The following SH3D21 variants were observed in gnomAD, a reference collection of about 807,000 sequenced individuals.
The protein encoded by SH3D21 is SH3 domain-containing protein 21.
SH3D21 carries 83 observed loss-of-function variants against 82.1 expected under a neutral mutation model. That is an observed-to-expected ratio of 1.01 (90% CI 0.85 to 1.21). The LOEUF is 1.21. Ranked by LOEUF, SH3D21 falls within the 50% of genes most tolerant of loss-of-function variation. SH3D21 has a pLI of 0.00. For missense variants in SH3D21, 980 were observed against 962.1 expected (o/e 1.02, Z -0.25); for synonymous variants, 383 against 387.8 (o/e 0.99, Z 0.15).
downstream of SH3D21, chr1:36,323,718 G>C (rs1302210679): frequency 6.6e-6 from 1 of 151,952 alleles, no homozygotes; most frequent in South Asian, 2.1e-4. Context: ...GGAGAGGAGC[G>C]GGCAGCCGGG....
rs141873075 is a variant in SH3D21 at position 36,319,268 on chromosome 1, G to A, written c.872G>A (p.Arg291Gln). 114 of 1,551,584 alleles carry A rather than the reference G, an allele frequency of 7.3e-5. 1 individual carries two copies. In the East Asian group the frequency reaches 2.3e-3, roughly 32 times the overall value. ...TTGPSKAKTS[R>Q]TPSRDSQKLT... ...ATGAAGATATGTTCCAGGACATCTC[G>A]GACACCCAGCAGGGACAGTCAGAAG... Residue 291 changes from arginine to glutamine, a missense_variant, in exon 12 of 16, where the codon CGG becomes CAG. By Grantham distance (43) the Arg-to-Gln change is conservative (BLOSUM62 1). Coordinates refer to ENST00000453908, the MANE Select transcript of SH3D21 (RefSeq NM_001162530.2).
At chr1:36,328,456 T>A (rs1308104675), downstream of SH3D21, 3 of 297,650 alleles carry the variant, frequency 1.0e-5, no homozygotes, top group Non-Finnish European at 2.0e-5. Context: ...GGAAAGAGGG[T>A]ACTGGCAAAA....
At chr1:36,329,822 T>TGGGAGAAGA (rs964976306), downstream of SH3D21, among the ~76,000 whole-genome samples, 3 of 152,160 alleles carry the variant, frequency 2.0e-5, no homozygotes, top group African/African-American at 7.2e-5. Context: ...TGGAAATACC[T>TGGGAGAAGA]GGGAGAAGAG....
intron 10 of SH3D21, among the ~76,000 whole-genome samples, chr1:36,312,241 T>C (rs941183970): frequency 6.6e-6 from 1 of 152,092 alleles, no homozygotes; most frequent in Non-Finnish European, 1.5e-5. Context: ...GCCAGGATGG[T>C]CTTGATCTCC....
At chr1:36,308,332 C>T (rs963670811) in intron 8 of SH3D21, 57 bp from the exon 9 acceptor site, 1 of 1,521,640 alleles carries the variant, frequency 6.6e-7, no homozygotes, top group Non-Finnish European at 8.9e-7. Context: ...GAGTGGGACC[C>T]CGGAAAGGAC....
chr1:36,311,342 G>A (rs374473066), intron 10 of SH3D21, among the ~76,000 whole-genome samples: 9 of 152,154 alleles, frequency 5.9e-5, no homozygotes, highest in South Asian at 2.1e-4. Flanking sequence ...CCGGGTTCAC[G>A]CCATTCTCCT....
chr1:36,316,055 C>T (rs1646337340), intron 10 of SH3D21, among the ~76,000 whole-genome samples: 1 of 152,170 alleles, frequency 6.6e-6, no homozygotes, highest in Non-Finnish European at 1.5e-5. Flanking sequence ...GTGTTCTCTA[C>T]CTGACAGTTC....
At chr1:36,314,668 G>A (rs1265284939) in intron 10 of SH3D21, among the ~76,000 whole-genome samples, 1 of 151,722 alleles carries the variant, frequency 6.6e-6, no homozygotes, top group South Asian at 2.1e-4. Flanking sequence ...TGTTTCCCAG[G>A]TGGTCTTGAA....
chr1:36,319,008 A>G lies in SH3D21; in HGVS notation c.770-63A>G. The stretch of plus-strand genomic sequence containing the variant: ...TAACCTCCTGCCCATAGTCCCCTGC[A>G]CACAGCACAAGACAGGGCTAGCGAC... On this transcript the variant is annotated intron_variant, in intron 10 of 15. Transcript: ENST00000453908. 4.0e-6 allele frequency: 4 copies of G among 997,020 alleles called. No individual in the cohort carries two copies. The Middle Eastern group carries it at 8.1e-4, about 202-fold the overall frequency. The allele number at this position is 997,020 out of a possible 1,614,324, so 61.8% of individuals were successfully genotyped here.
chr1:36,310,808 G>T (rs1646223858), intron 10 of SH3D21, among the ~76,000 whole-genome samples: 1 of 151,978 alleles, frequency 6.6e-6, no homozygotes, highest in Non-Finnish European at 1.5e-5. Flanking sequence ...AAAAGTATGT[G>T]TCTAAACACT....
Position 36,307,123 on chromosome 1 carries a change from C to G in SH3D21, c.227-44C>G. On this transcript the variant is annotated intron_variant, in intron 3 of 15. Transcript: ENST00000453908. The surrounding 1 kb of genome is among the most constrained non-coding windows in gnomAD (Gnocchi z 5.4). ...CTTGCGCTTCCCCCAGCTCCTCTGACTGGGGCGTCCGACTGGAGCTCAGCC... is the reference window on the plus strand; with the variant it reads ...CTTGCGCTTCCCCCAGCTCCTCTGAGTGGGGCGTCCGACTGGAGCTCAGCC... 9 of 1,549,432 alleles carry G rather than the reference C, an allele frequency of 5.8e-6. No homozygotes were observed. Among genetic ancestry groups the G allele is most frequent in the South Asian group, 3.6e-5 (3 of 83,506 alleles).
rs1646420679 is a variant in SH3D21 at position 36,320,119 on chromosome 1, T to C, written c.1456T>C (p.Leu486=). Residue 486 remains leucine, a synonymous_variant, in exon 14 of 16, where the codon TTG becomes CTG. Transcript: ENST00000453908. ...TGAGGCCCCCACTCTAGAAAAGGTCTTGACCCCAGAGCTTTCTGAAGAAGA... is the reference window on the plus strand; with the variant it reads ...TGAGGCCCCCACTCTAGAAAAGGTCCTGACCCCAGAGCTTTCTGAAGAAGA... ...GDEAPTLEKV[L]TPELSEEEVS... The C allele has an allele frequency of 6.2e-7, 1 of 1,614,064 alleles. No individual in the cohort carries two copies.
rs757780389 is a variant in SH3D21, at chr1:36,320,056, GAT to G, written c.1395_1396del (p.Asp465GlufsTer4). 2.5e-6 allele frequency: 4 copies of G among 1,613,886 alleles called. No homozygotes were observed. In the African/African-American group the frequency reaches 5.3e-5, roughly 22 times the overall value. On this transcript the variant is annotated frameshift_variant, in exon 14 of 16. Coordinates refer to ENST00000453908, the MANE Select transcript of SH3D21 (RefSeq NM_001162530.2). LOFTEE classifies it high-confidence loss of function. ...CCCTGCCCTAGAAGCCCCACCTATG[GAT>G]AAAGTCCCTAATCCAAAGATGGCCC... ...ESPALEAPPM[D>X]KVPNPKMAPL...
chr1:36,319,730 C>A lies in SH3D21; in HGVS notation c.1067C>A (p.Pro356Gln). The A allele has an allele frequency of 6.3e-7, 1 of 1,596,698 alleles. No individual in the cohort carries two copies. The highest frequency in any genetic ancestry group is 1.1e-5 in the South Asian group (1 of 88,442). Residue 356 changes from proline to glutamine, a missense_variant, in exon 14 of 16, where the codon CCG becomes CAG. Transcript: ENST00000453908. ...KAPSVKRTPM[P>Q]DKTATPERPP... is the part of the protein sequence containing the mutation. Reference sequence around the variant, plus strand: ...CCCTCTGTGAAGAGAACCCCCATGCCGGACAAGACTGCCACCCCAGAGAGG... The same window carrying A: ...CCCTCTGTGAAGAGAACCCCCATGCAGGACAAGACTGCCACCCCAGAGAGG...
intron 10 of SH3D21, among the ~76,000 whole-genome samples, chr1:36,318,466 G>A (rs1274741381): frequency 6.6e-6 from 1 of 152,202 alleles, no homozygotes; most frequent in African/African-American, 2.4e-5. Context: ...AAATGAGAGA[G>A]AATATAAAGA....
chr1:36,309,430 C>T, intron 9 of SH3D21, 118 bp from the exon 10 acceptor site: 2 of 1,186,722 alleles, frequency 1.7e-6, no homozygotes, highest in Non-Finnish European at 1.2e-6. Context: ...CTTCTGTCCT[C>T]AAGTGATCCA....
At chr1:36,312,514 T>A (rs1438070808) in intron 10 of SH3D21, among the ~76,000 whole-genome samples, 2 of 152,200 alleles carry the variant, frequency 1.3e-5, no homozygotes, top group Admixed American at 6.5e-5. Flanking sequence ...CATTTGTAGG[T>A]TCTTACAAGT....
rs754646048 is a variant in SH3D21, at chr1:36,308,372, G to A, written c.640-17G>A. ...GGGGACCTGGCTCACCTCCCCACTG[G>A]CGTGTTTCTTTTCCAGACCACAGAG... is the stretch of plus-strand genomic sequence containing the variant. On this transcript the variant is annotated splice_polypyrimidine_tract_variant and intron_variant, in intron 8 of 15. Transcript: ENST00000453908. 45 of 1,551,222 alleles carry A rather than the reference G, an allele frequency of 2.9e-5. 1 individual carries two copies. Among genetic ancestry groups the A allele is most frequent in the Admixed American group, 2.2e-4 (11 of 50,976 alleles).
chr1:36,313,822 C>T (rs796823782), intron 10 of SH3D21, among the ~76,000 whole-genome samples: 9 of 151,848 alleles, frequency 5.9e-5, no homozygotes, highest in African/African-American at 2.2e-4. Context: ...GCCTTGGCCT[C>T]CCAAAATACT....
Sources: gnomAD v4.1 joint callset for allele counts (sites outside exome capture counted in the v4.1 genomes callset) on GRCh38, gnomAD v4.1.1 for gene constraint, Gnocchi (gnomAD v3.1) non-coding constraint, MANE v1.5 for transcripts, NCBI Gene and HGNC (gene_info 2026-07-23, HGNC 2026-07-21) for gene names.